The following PLXNB2 variants were observed in gnomAD, a reference collection of about 807,000 sequenced individuals.
The protein encoded by PLXNB2 is plexin-B2.
A neutral mutation model predicts 202.6 loss-of-function variants in PLXNB2; 85 were observed. The ratio of observed to expected loss-of-function variants is 0.42; its 90% CI spans 0.35 to 0.50. The LOEUF is 0.50. Among genes scored for constraint, PLXNB2 ranks in the 20% least tolerant of loss-of-function variants. The probability of loss-of-function intolerance (pLI) is 0.02; values close to 1 mark genes in which losing one functional copy is unlikely to be tolerated. For synonymous variants in PLXNB2, 1,239 were observed against 1,137.6 expected, an observed-to-expected ratio of 1.09 and a Z score of -1.79; for missense variants, 2,063 against 2,586.2, an observed-to-expected ratio of 0.80 and a Z score of 4.39.
At chr22:50,294,668 C>G (rs775698195) in intron 2 of PLXNB2, 51 bp downstream of exon 2, 2 of 847,446 alleles carry the variant, frequency 2.4e-6, no homozygotes, top group African/African-American at 1.8e-5. Context: ...TCCGGCCTCC[C>G]TGTCCACATA....
chr22:50,281,029 C>G, intron 23 of PLXNB2, 56 bp from the exon 24 acceptor site: 1 of 1,595,588 alleles, frequency 6.3e-7, no homozygotes, highest in Non-Finnish European at 8.6e-7. Flanking sequence ...GACCCCCACG[C>G]TACACACAGC....
chr22:50,284,986 T>G lies in PLXNB2; in HGVS notation c.2089-321A>C. On this transcript the variant is annotated intron_variant, in intron 11 of 36. Transcript: ENST00000359337. The surrounding 1 kb of genome is among the most constrained non-coding windows in gnomAD (Gnocchi z 8.0). ...CTCCTCAGGAGGTGGCACTGGCCCCTCAATCTCCACACGCCTGCCTCCTCC... is the reference window on the plus strand; with the variant it reads ...CTCCTCAGGAGGTGGCACTGGCCCCGCAATCTCCACACGCCTGCCTCCTCC... 2.1e-6 allele frequency: 1 copy of G among 485,228 alleles called. No homozygotes were observed. The highest frequency in any genetic ancestry group is 4.1e-6 in the Non-Finnish European group (1 of 243,572). The allele number at this position is 485,228 out of a possible 1,614,324, so 30.1% of individuals were successfully genotyped here. A position where few individuals can be genotyped will look rare whatever the true frequency, so the allele number is the denominator to read the frequency against.
Position 50,290,182 on chromosome 22 carries a change from C to T in PLXNB2, c.403G>A (p.Glu135Lys), listed in dbSNP as rs774126870. ...AAAGACTTCTCCCCGCTGCCGTCCT[C>T]GTAGAACAGGCGGAGGGAGATGTTG... Reference protein sequence around the residue: ...LSNISLRLFYEDGSGEKSFVA... With the variant: ...LSNISLRLFYKDGSGEKSFVA... Residue 135 changes from glutamate to lysine, a missense_variant, in exon 3 of 37, where the codon GAG (glutamate) becomes AAG (lysine). Glu to Lys is a moderately conservative substitution (Grantham distance 56, BLOSUM62 1). Coordinates refer to ENST00000359337, the MANE Select transcript of PLXNB2 (RefSeq NM_012401.4). 3 of 1,612,682 alleles carry T rather than the reference C, an allele frequency of 1.9e-6. No individual in the cohort carries two copies. Among genetic ancestry groups the T allele is most frequent in the Non-Finnish European group, 1.7e-6 (2 of 1,179,990 alleles).
chr22:50,284,626 T>C lies in PLXNB2; in HGVS notation c.2128A>G (p.Met710Val), dbSNP rs1405492879. Residue 710 changes from methionine to valine, a missense_variant, in exon 12 of 37, where the codon ATG becomes GTG. Coordinates refer to ENST00000359337, the MANE Select transcript of PLXNB2 (RefSeq NM_012401.4). This position sits in a 1 kb window ranked among gnomAD's most constrained non-coding sequence, Gnocchi z 8.0. ...LHVGSDLLKFMEPVTMQESGT... is the reference protein window; with the variant it reads ...LHVGSDLLKFVEPVTMQESGT... ...GATTCCTGCATGGTCACCGGCTCCATGAACTTGAGCAAGTCACTGCCCACG... is the reference window on the plus strand; with the variant it reads ...GATTCCTGCATGGTCACCGGCTCCACGAACTTGAGCAAGTCACTGCCCACG... 2 of 1,611,848 alleles carry C rather than the reference T, an allele frequency of 1.2e-6. No individual in the cohort carries two copies. Among genetic ancestry groups the C allele is most frequent in the East Asian group, 2.2e-5 (1 of 44,708 alleles).
In PLXNB2 at chr22:50,282,797, C is replaced by A. The variant is rs537392262; in HGVS notation, c.2901G>T (p.Gly967=). Residue 967 remains glycine (G), a synonymous_variant, in exon 18 of 37, where the codon GGG becomes GGT. Transcript: ENST00000359337. ...GQMLLEVSYG[G]SPVPNPGIFF... ...AGATGCCGGGGTTGGGCACGGGGGA[C>A]CCCCCGTAGGAGACCTCCAGAAGCA... The A allele has an allele frequency of 1.7e-5, 28 of 1,607,740 alleles. No homozygotes were observed. The East Asian group carries it at 2.9e-4, about 17-fold the overall frequency.
rs753348363 is a variant in PLXNB2 at position 50,280,594 on chromosome 22, G to A, written c.4070C>T (p.Ala1357Val). Residue 1357 changes from alanine (A) to valine (V), a missense_variant, in exon 25 of 37, where the codon GCG becomes GTG. Ala to Val is a moderately conservative substitution (Grantham distance 64). This residue lies in a region of PLXNB2 where 760 missense variants were observed against 1,109.4 expected (regional missense o/e 0.69). Transcript: ENST00000359337. ...GTAGTACTCCAGTTTCCCGTGCAGC[G>A]CCACCGTCAGCAGGGACGCGAAGTA... ...KVYFASLLTVALHGKLEYYTD... is the reference protein window; with the variant it reads ...KVYFASLLTVVLHGKLEYYTD... 42 of 1,612,456 alleles carry A rather than the reference G, an allele frequency of 2.6e-5. No homozygotes were observed. The highest frequency in any genetic ancestry group is 3.3e-5 in the Non-Finnish European group (39 of 1,179,878).
In PLXNB2 at chr22:50,289,393, G is replaced by A. The variant is rs537662734; in HGVS notation, c.1068+124C>T. The stretch of plus-strand genomic sequence containing the variant: ...AGATGCGGCACCCACCCACGCAAGC[G>A]CCCAGGCTGGCGAGAGCCACGGCCA... On this transcript the variant is annotated intron_variant, in intron 3 of 36. Transcript: ENST00000359337. The surrounding 1 kb of genome is among the most constrained non-coding windows in gnomAD (Gnocchi z 8.0). The A allele has an allele frequency of 2.4e-5, 30 of 1,272,238 alleles. No individual in the cohort carries two copies. The highest frequency in any genetic ancestry group is 2.9e-5 in the Non-Finnish European group (27 of 946,656). 78.8% of individuals were successfully genotyped at this position (1,272,238 alleles called of 1,614,324 possible).
At position 50,297,941 on chromosome 22, in the gene PLXNB2, C is replaced by T. The variant is rs118092635; in HGVS notation, c.-73-3163G>A. Among the ~76,000 whole-genome samples, 1,431 of 152,292 alleles carry T rather than the reference C, an allele frequency of 9.4e-3. 85 individuals carry two copies. The highest frequency in any genetic ancestry group is 0.085 in the Admixed American group (1,302 of 15,290). On this transcript the variant is annotated intron_variant, in intron 1 of 36. Transcript: ENST00000359337. The surrounding 1 kb of genome is among the most constrained non-coding windows in gnomAD (Gnocchi z 5.3). ...CGCTGCCTCACGACATTCCCACGTC[C>T]ATGTTCACTGTGCTCCCTGGAAAGC...
intron 2 of PLXNB2, among the ~76,000 whole-genome samples, chr22:50,294,196 C>A (rs796883446): frequency 2.0e-5 from 3 of 152,390 alleles, no homozygotes; most frequent in South Asian, 4.1e-4. Flanking sequence ...CTGGGACCCC[C>A]ACTTACGGGG....
chr22:50,284,451 G>A lies in PLXNB2; in HGVS notation c.2181+122C>T. 1 of 800,088 alleles carries A rather than the reference G, an allele frequency of 1.2e-6. No individual in the cohort carries two copies. Among genetic ancestry groups the A allele is most frequent in the Non-Finnish European group, 2.0e-6 (1 of 488,798 alleles). 49.6% of individuals were successfully genotyped at this position (800,088 alleles called of 1,614,324 possible). On this transcript the variant is annotated intron_variant, in intron 12 of 36. Transcript: ENST00000359337. The surrounding 1 kb of genome is among the most constrained non-coding windows in gnomAD (Gnocchi z 8.0). ...GCAGCACAGGGCATGGCGAGCCCCTGGCTGGGCTCTGGTCCCTGGGGTCTC... is the reference window on the plus strand; with the variant it reads ...GCAGCACAGGGCATGGCGAGCCCCTAGCTGGGCTCTGGTCCCTGGGGTCTC...
Position 50,275,649 on chromosome 22 carries a change from G to A in PLXNB2, c.*55C>T. The A allele has an allele frequency of 7.9e-7, 1 of 1,261,314 alleles. No homozygotes were observed. The highest frequency in any genetic ancestry group is 1.4e-5 in the South Asian group (1 of 73,358). The allele number at this position is 1,261,314 out of a possible 1,614,324, so 78.1% of individuals were successfully genotyped here. On this transcript the variant is annotated 3_prime_UTR_variant, in exon 37 of 37. Coordinates refer to ENST00000359337, the MANE Select transcript of PLXNB2 (RefSeq NM_012401.4). ...CAGCCACTCGGCCTCCTCCCCTGAG[G>A]GGCTCTCAGGTACCTCAGGTACCTA...
intron 1 of PLXNB2, among the ~76,000 whole-genome samples, chr22:50,300,535 C>G (rs890152494): frequency 1.3e-5 from 2 of 152,038 alleles, no homozygotes; most frequent in Admixed American, 1.3e-4. Context: ...ACAACCCGAC[C>G]TAGGAGCTGG....
At chr22:50,304,950 G>A (rs1038266739) in intron 1 of PLXNB2, among the ~76,000 whole-genome samples, 6 of 152,216 alleles carry the variant, frequency 3.9e-5, no homozygotes, top group Admixed American at 6.5e-5. Context: ...GAGGTTCCCC[G>A]CCAACTTCCA....
Position 50,289,146 on chromosome 22 carries a change from C to T in PLXNB2, c.1069-4G>A, listed in dbSNP as rs373995704. The T allele has an allele frequency of 1.9e-4, 294 of 1,557,560 alleles. No individual in the cohort carries two copies. Among genetic ancestry groups the T allele is most frequent in the Non-Finnish European group, 2.5e-4 (283 of 1,152,638 alleles). ...ATGGGAAGCTCTTGCTGGAGCCCTG[C>T]GGACCACAGCGTGTCAATGGCAGGC... On this transcript the variant is annotated splice_polypyrimidine_tract_variant and splice_region_variant and intron_variant, in intron 3 of 36. Transcript: ENST00000359337. The surrounding 1 kb of genome is among the most constrained non-coding windows in gnomAD (Gnocchi z 8.0).
chr22:50,290,203 T>A lies in PLXNB2; in HGVS notation c.382A>T (p.Ile128Phe). ...TCCTCGTAGAACAGGCGGAGGGAGA[T>A]GTTGCTCAGGGCGCGCAGAGCGCAG... is the stretch of plus-strand genomic sequence containing the variant. ...GICALRALSNISLRLFYEDGS... is the reference protein window; with the variant it reads ...GICALRALSNFSLRLFYEDGS... Residue 128 changes from isoleucine to phenylalanine, a missense_variant, in exon 3 of 37, where the codon ATC becomes TTC. Transcript: ENST00000359337. The A allele has an allele frequency of 1.2e-6, 2 of 1,612,528 alleles. No individual in the cohort carries two copies. Among genetic ancestry groups the A allele is most frequent in the Non-Finnish European group, 1.7e-6 (2 of 1,180,002 alleles).
chr22:50,306,196 G>C (rs1010464496), intron 1 of PLXNB2, among the ~76,000 whole-genome samples: 7 of 152,172 alleles, frequency 4.6e-5, no homozygotes, highest in African/African-American at 1.7e-4. Context: ...CTCCTCTACT[G>C]GGGCAAGGAA....
In PLXNB2 at chr22:50,277,962, C is replaced by T. The variant is rs748677291; in HGVS notation, c.4939G>A (p.Gly1647Arg). The change falls in exon 32 of 37, where the codon GGG becomes AGG. Residue 1647 changes from glycine (G) to arginine (R), a missense_variant. Gly to Arg is a moderately radical substitution (Grantham distance 125). Around this residue, in one of 2 missense-constraint regions of PLXNB2, gnomAD observed 760 missense variants for 1,109.4 expected, o/e 0.69. Coordinates refer to ENST00000359337, the MANE Select transcript of PLXNB2 (RefSeq NM_012401.4). ...TTGACTGCAGGTGGCACCGCGTGCC[C>T]AGGCGCCAGCACGCTCTGGAAGAAG... ...DNFFQSVLAP[G>R]HAVPPAVKYF... 4.3e-6 allele frequency: 7 copies of T among 1,612,894 alleles called. No individual in the cohort carries two copies. Among genetic ancestry groups the T allele is most frequent in the Non-Finnish European group, 5.1e-6 (6 of 1,179,744 alleles).
At chr22:50,295,789 C>T (rs1265434662) in intron 1 of PLXNB2, among the ~76,000 whole-genome samples, 2 of 152,142 alleles carry the variant, frequency 1.3e-5, no homozygotes, top group South Asian at 4.2e-4. Flanking sequence ...CTCCAGAAGC[C>T]GTCAAACCAA....
chr22:50,290,326 A>G lies in PLXNB2; in HGVS notation c.259T>C (p.Cys87Arg). The part of the protein sequence containing the change: ...KCTPPIEASQ[C>R]HEAEMTDNVN... ...TTGTCAGTCATCTCAGCCTCATGGC[A>G]CTGGCTGGCCTCGATGGGCGGCGTG... Residue 87 changes from cysteine to arginine, a missense_variant, in exon 3 of 37, where the codon TGC (cysteine) becomes CGC (arginine). Coordinates refer to ENST00000359337, the MANE Select transcript of PLXNB2 (RefSeq NM_012401.4). The G allele has an allele frequency of 6.2e-7, 1 of 1,612,368 alleles. No individual in the cohort carries two copies. Among genetic ancestry groups the G allele is most frequent in the African/African-American group, 1.3e-5 (1 of 75,032 alleles).
Sources: gnomAD v4.1 joint callset for allele counts (sites outside exome capture counted in the v4.1 genomes callset) on GRCh38, gnomAD v4.1.1 for gene constraint, gnomAD v4.1.1 regional missense constraint, Gnocchi (gnomAD v3.1) non-coding constraint, MANE v1.5 for transcripts, NCBI Gene and HGNC (gene_info 2026-07-23, HGNC 2026-07-21) for gene names.